The following GATAD2A variants were observed in gnomAD, a reference collection of about 807,000 sequenced individuals.
The protein encoded by GATAD2A is transcriptional repressor p66-alpha.
A neutral mutation model predicts 68.5 loss-of-function variants in GATAD2A; 12 were observed. The ratio of observed to expected loss-of-function variants is 0.18; its 90% CI spans 0.11 to 0.28. The LOEUF is 0.28. GATAD2A is among the 10% of genes least tolerant of loss of function. The pLI, the probability that GATAD2A is intolerant of heterozygous loss-of-function variation, is 1.00. For synonymous variants in GATAD2A, 410 were observed against 375.3 expected (o/e 1.09, Z -1.07); for missense variants, 755 against 868.5 (o/e 0.87, Z 1.64).
intron 1 of GATAD2A, among the ~76,000 whole-genome samples, chr19:19,389,877 C>A (rs1425580952): frequency 1.3e-5 from 2 of 152,188 alleles, no homozygotes; most frequent in African/African-American, 4.8e-5. Flanking sequence ...ATCCTCCCAC[C>A]TCAGCCTCTG....
intron 1 of GATAD2A, among the ~76,000 whole-genome samples, chr19:19,414,530 CTTTTTTTTTTTTTT>C (rs758728889): frequency 1.4e-5 from 1 of 70,208 alleles, no homozygotes; most frequent in Non-Finnish European, 2.7e-5. Flanking sequence ...AGGGCCTTGT[CTTTTTTTTTTTTTT>C]TTTTTTTTTT....
At chr19:19,474,956 CACG>C (rs550554171) in intron 2 of GATAD2A, among the ~76,000 whole-genome samples, 115 of 152,356 alleles carry the variant, frequency 7.5e-4, no homozygotes, top group African/African-American at 2.5e-3. Flanking sequence ...TTGATGGAAG[CACG>C]AGGCCAGGCA....
At chr19:19,417,057 C>T (rs978056714) in intron 1 of GATAD2A, among the ~76,000 whole-genome samples, 8 of 152,242 alleles carry the variant, frequency 5.3e-5, no homozygotes, top group South Asian at 4.1e-4. Flanking sequence ...CCACCGTGCC[C>T]GGCCTAAAAC....
In GATAD2A at chr19:19,496,093, G is replaced by A. The variant is rs201289342; in HGVS notation, c.798G>A (p.Pro266=). 71 of 1,613,730 alleles carry A rather than the reference G, an allele frequency of 4.4e-5. No individual in the cohort carries two copies. The East Asian group carries it at 6.9e-4, about 16-fold the overall frequency. Residue 266 remains proline (P), a synonymous_variant, in exon 7 of 12, where the codon CCG becomes CCA. Coordinates refer to ENST00000683918, the MANE Select transcript of GATAD2A (RefSeq NM_001384528.1). ...SIRQHSSTGP[P]PLLLAPRASV... ...GGCAACATTCCAGCACAGGGCCACC[G>A]CCCCTCCTCCTGGCCCCCCGGGCGT...
At chr19:19,447,985 G>A (rs2055929179) in intron 1 of GATAD2A, among the ~76,000 whole-genome samples, 1 of 152,230 alleles carries the variant, frequency 6.6e-6, no homozygotes, top group Admixed American at 6.5e-5. Context: ...GCTCAGCCCT[G>A]AGAGACTACA....
intron 1 of GATAD2A, among the ~76,000 whole-genome samples, chr19:19,386,596 C>G (rs556844965): frequency 8.4e-4 from 128 of 152,052 alleles, no homozygotes; most frequent in African/African-American, 2.9e-3. Flanking sequence ...CTAGAGGATC[C>G]GTGCCTTTCT....
At chr19:19,484,502 C>A (rs2059273976) in intron 2 of GATAD2A, among the ~76,000 whole-genome samples, 1 of 147,984 alleles carries the variant, frequency 6.8e-6, no homozygotes, top group African/African-American at 2.5e-5. Context: ...TTCTCTGTCA[C>A]AGGATTTTTC....
chr19:19,493,908 T>C (rs2059975482), intron 4 of GATAD2A, among the ~76,000 whole-genome samples: 1 of 151,824 alleles, frequency 6.6e-6, no homozygotes, highest in Non-Finnish European at 1.5e-5. Context: ...GTGCCCAGAG[T>C]CACCGTTTTC....
intron 2 of GATAD2A, among the ~76,000 whole-genome samples, chr19:19,483,301 C>T (rs867519732): frequency 3.9e-5 from 6 of 152,182 alleles, no homozygotes; most frequent in Middle Eastern, 6.3e-3. Flanking sequence ...CCAGAGCGGT[C>T]GTTGGACCTG....
chr19:19,429,190 T>C, intron 1 of GATAD2A: 2 of 985,278 alleles, frequency 2.0e-6, no homozygotes, highest in Non-Finnish European at 2.4e-6. Context: ...GGAAGTGGGA[T>C]GCTCGATTTC....
At chr19:19,417,458 T>C (rs983241149) in intron 1 of GATAD2A, among the ~76,000 whole-genome samples, 2 of 152,154 alleles carry the variant, frequency 1.3e-5, no homozygotes, top group African/African-American at 4.8e-5. Flanking sequence ...TCTCAGGGTA[T>C]CCACAGCTCC....
intron 1 of GATAD2A, among the ~76,000 whole-genome samples, chr19:19,455,659 G>A (rs888186897): frequency 1.3e-5 from 2 of 152,160 alleles, no homozygotes; most frequent in South Asian, 2.1e-4. Context: ...AAGGATGTAC[G>A]TAGGTTGTAT....
At chr19:19,401,100 A>G (rs551250578), upstream of GATAD2A, among the ~76,000 whole-genome samples, 12 of 142,022 alleles carry the variant, frequency 8.4e-5, no homozygotes, top group Non-Finnish European at 1.7e-4. Context: ...AGATGATGCC[A>G]CTGCACTCCA....
At position 19,502,404 on chromosome 19, in the gene GATAD2A, A is replaced by T. The variant is rs762703297; in HGVS notation, c.1652A>T (p.Lys551Ile). The change falls in exon 11 of 12, where the codon AAA (lysine) becomes ATA (isoleucine). Residue 551 changes from lysine (K) to isoleucine (I), a missense_variant. Coordinates refer to ENST00000683918, the MANE Select transcript of GATAD2A (RefSeq NM_001384528.1). ...CTGCACACGTTCAGTCCGTCACCCAAACTGCAGAACTCAGCCTCGGCCACA... is the reference window on the plus strand; with the variant it reads ...CTGCACACGTTCAGTCCGTCACCCATACTGCAGAACTCAGCCTCGGCCACA... ...GVLHTFSPSP[K>I]LQNSASATAL... 6.2e-7 allele frequency: 1 copy of T among 1,613,696 alleles called. No homozygotes were observed. Among genetic ancestry groups the T allele is most frequent in the South Asian group, 1.1e-5 (1 of 91,086 alleles).
chr19:19,408,687 C>T (rs974015970), intron 1 of GATAD2A, among the ~76,000 whole-genome samples: 5 of 152,194 alleles, frequency 3.3e-5, no homozygotes, highest in Admixed American at 3.3e-4. Context: ...TATCAGAGTG[C>T]ATACTGTGCC....
At chr19:19,476,341 T>C (rs1003253549) in intron 2 of GATAD2A, among the ~76,000 whole-genome samples, 1 of 152,222 alleles carries the variant, frequency 6.6e-6, no homozygotes, top group Non-Finnish European at 1.5e-5. Context: ...GCTTCTGATA[T>C]CTCCTCCCAG....
chr19:19,492,771 C>G lies in GATAD2A; in HGVS notation c.534+59C>G, dbSNP rs1406453823. On this transcript the variant is annotated intron_variant, in intron 4 of 11. Transcript: ENST00000683918. ...CAGGAGCGCCTGGCCTTGCCTTGAT[C>G]CCCTCATCAATGTCAGCGGCCAGAA... is the stretch of plus-strand genomic sequence containing the variant. The G allele has an allele frequency of 4.4e-6, 7 of 1,574,930 alleles. No individual in the cohort carries two copies. In the South Asian group the frequency reaches 7.8e-5, roughly 18 times the overall value.
chr19:19,405,817 G>A lies in GATAD2A; in HGVS notation c.-209G>A, dbSNP rs1383243248. ...CGCCGGGCTCCATGTGTGCGGCCGA[G>A]GGGCGCATTATCTGGCCGGCGGCGC... On this transcript the variant is annotated 5_prime_UTR_variant, in exon 1 of 12. Coordinates refer to ENST00000683918, the MANE Select transcript of GATAD2A (RefSeq NM_001384528.1). 2 of 149,384 alleles carry A rather than the reference G, an allele frequency of 1.3e-5. No individual in the cohort carries two copies. Among genetic ancestry groups the A allele is most frequent in the Admixed American group, 6.7e-5 (1 of 14,992 alleles). The allele number at this position is 149,384 out of a possible 1,614,324, so 9.3% of individuals were successfully genotyped here.
chr19:19,466,323 C>CCT (rs1191880832), intron 2 of GATAD2A, among the ~76,000 whole-genome samples: 1 of 152,230 alleles, frequency 6.6e-6, no homozygotes, highest in Non-Finnish European at 1.5e-5. Context: ...TTGCATCACC[C>CCT]CTCCCCTTGG....
Sources: gnomAD v4.1 joint callset for allele counts (sites outside exome capture counted in the v4.1 genomes callset) on GRCh38, gnomAD v4.1.1 for gene constraint, MANE v1.5 for transcripts, NCBI Gene and HGNC (gene_info 2026-07-23, HGNC 2026-07-21) for gene names.